The following ELF2 variants were observed in gnomAD, a reference collection of about 807,000 sequenced individuals.
ELF2 encodes E74 like ETS transcription factor 2.
In ELF2, 11 loss-of-function variants were observed where a neutral mutation model predicts 54.8. The ratio of observed to expected loss-of-function variants is 0.20; its 90% CI spans 0.13 to 0.33. ELF2 has a LOEUF of 0.33. Among genes scored for constraint, ELF2 ranks in the 10% least tolerant of loss-of-function variants. The pLI, the probability that ELF2 is intolerant of heterozygous loss-of-function variation, is 1.00. For missense variants in ELF2, 513 were observed against 703.0 expected, an observed-to-expected ratio of 0.73 and a Z score of 3.06; for synonymous variants, 203 against 245.1, an observed-to-expected ratio of 0.83 and a Z score of 1.61.
chr4:139,152,891 CTTTT>C (rs34208004), intron 1 of ELF2, among the ~76,000 whole-genome samples: 4 of 104,060 alleles, frequency 3.8e-5, no homozygotes, highest in African/African-American at 4.0e-5. Context: ...TAGTGTCATA[CTTTT>C]TTTTTTTTTT....
In ELF2 at chr4:139,073,521, T is replaced by G. The variant is rs1319065955; in HGVS notation, c.285A>C (p.Thr95=). The G allele has an allele frequency of 6.2e-7, 1 of 1,610,020 alleles. No individual in the cohort carries two copies. The highest frequency in any genetic ancestry group is 8.5e-7 in the Non-Finnish European group (1 of 1,177,324). Residue 95 remains threonine, a synonymous_variant, in exon 5 of 10, where the codon ACA becomes ACC. Transcript: ENST00000686138. The stretch of plus-strand genomic sequence containing the variant: ...GAAGCAGGGCTTCAGCAGCTTCAAT[T>G]GTCTTATCTGTACAGTGTGCATTAC... ...HSSNAHCTDK[T]IEAAEALLHM...
At chr4:139,100,983 C>A (rs1016430168) in intron 4 of ELF2, among the ~76,000 whole-genome samples, 1 of 152,082 alleles carries the variant, frequency 6.6e-6, no homozygotes, top group Admixed American at 6.5e-5. Flanking sequence ...TAGGAAGACT[C>A]GAGATATACT....
At chr4:139,114,561 T>TCTCA (rs70940492) in intron 4 of ELF2, among the ~76,000 whole-genome samples, 19 of 108,648 alleles carry the variant, frequency 1.7e-4, no homozygotes, top group African/African-American at 6.7e-4. Context: ...GACTTCAGTC[T>TCTCA]CACACACACA....
intron 4 of ELF2, among the ~76,000 whole-genome samples, chr4:139,097,836 G>A (rs911248926): frequency 3.3e-5 from 5 of 152,090 alleles, no homozygotes; most frequent in African/African-American, 1.2e-4. Flanking sequence ...CTGTCACCCA[G>A]GCTGGAGTAC....
chr4:139,157,161 T>C (rs1740632704), intron 1 of ELF2, among the ~76,000 whole-genome samples: 1 of 152,180 alleles, frequency 6.6e-6, no homozygotes, highest in African/African-American at 2.4e-5. Flanking sequence ...TCTCCAAACC[T>C]GTACAGCATG....
intron 1 of ELF2, among the ~76,000 whole-genome samples, chr4:139,168,445 G>GCTGGC (rs1741934034): frequency 6.6e-6 from 1 of 152,144 alleles, no homozygotes. Flanking sequence ...ATTATACTGG[G>GCTGGC]CTGGCCCTAA....
At chr4:139,140,465 A>G (rs956973816) in intron 1 of ELF2, among the ~76,000 whole-genome samples, 3 of 152,208 alleles carry the variant, frequency 2.0e-5, no homozygotes, top group African/African-American at 7.2e-5. Context: ...TTAAAAGTAG[A>G]AAAGTTGGCT....
rs1157770559 is a variant in ELF2 at position 139,058,286 on chromosome 4, T to C, written c.*697A>G. The C allele has an allele frequency of 6.6e-6, 1 of 151,712 alleles. No homozygotes were observed. Among genetic ancestry groups the C allele is most frequent in the Non-Finnish European group, 1.5e-5 (1 of 67,954 alleles). 9.4% of individuals were successfully genotyped at this position (151,712 alleles called of 1,614,324 possible). A position where few individuals can be genotyped will look rare whatever the true frequency, so the allele number is the denominator to read the frequency against. On this transcript the variant is annotated 3_prime_UTR_variant, in exon 10 of 10. Coordinates refer to ENST00000686138, the MANE Select transcript of ELF2 (RefSeq NM_001331036.3). ...CTAGGTACAAGATTTTTAAAATTTT[T>C]CTTTTAATAAAAAAGCTTTACACAA...
At chr4:139,115,049 G>T in intron 4 of ELF2, 1 of 1,613,892 alleles carries the variant, frequency 6.2e-7, no homozygotes. Context: ...GTGGCAGCCC[G>T]GGCATCGTCA....
chr4:139,080,558 T>C (rs903108656), intron 4 of ELF2, among the ~76,000 whole-genome samples: 5 of 152,108 alleles, frequency 3.3e-5, no homozygotes, highest in African/African-American at 1.2e-4. Flanking sequence ...ATAACTGCAT[T>C]GTTGACCAAA....
At chr4:139,129,224 G>A (rs62320536) in intron 3 of ELF2, among the ~76,000 whole-genome samples, 10,873 of 152,074 alleles carry the variant, frequency 0.071, 479 homozygotes, top group South Asian at 0.14. Context: ...AGGCATGAGC[G>A]ACTACCCCCG....
chr4:139,093,626 T>G (rs566809760), intron 4 of ELF2, among the ~76,000 whole-genome samples: 15 of 152,152 alleles, frequency 9.9e-5, no homozygotes, highest in Admixed American at 6.5e-4. Flanking sequence ...CATCTGAAAA[T>G]CCATCAACTG....
intron 3 of ELF2, among the ~76,000 whole-genome samples, chr4:139,133,763 C>T (rs1737808324): frequency 6.6e-6 from 1 of 152,048 alleles, no homozygotes; most frequent in Admixed American, 6.5e-5. Context: ...GCCAGTGCAC[C>T]CACCTGCTTT....
chr4:139,084,461 G>GCGT, intron 4 of ELF2: 1 of 1,132,904 alleles, frequency 8.8e-7, no homozygotes, highest in South Asian at 3.7e-5. Flanking sequence ...GGCGGCGGCG[G>GCGT]CTGTGGCTGT....
At chr4:139,075,707 G>A (rs1730217383) in intron 4 of ELF2, among the ~76,000 whole-genome samples, 1 of 152,148 alleles carries the variant, frequency 6.6e-6, no homozygotes, top group African/African-American at 2.4e-5. Flanking sequence ...GGGATTACAG[G>A]CATGAGCCAT....
intron 1 of ELF2, 59 bp downstream of exon 1, chr4:139,176,908 G>C (rs1743010897): frequency 6.6e-6 from 1 of 151,786 alleles, no homozygotes; most frequent in Non-Finnish European, 1.5e-5. Flanking sequence ...GGACAGCCAG[G>C]CTTTATCGCC....
intron 4 of ELF2, chr4:139,115,244 C>T (rs1235245904): frequency 2.1e-5 from 34 of 1,609,694 alleles, no homozygotes; most frequent in Middle Eastern, 2.2e-4. Flanking sequence ...TCATCGTCCG[C>T]GCCGCCCGGG....
intron 1 of ELF2, among the ~76,000 whole-genome samples, chr4:139,163,181 TAA>T (rs1741341912): frequency 1.3e-5 from 2 of 152,266 alleles, no homozygotes; most frequent in Non-Finnish European, 2.9e-5. Context: ...TCAAGATTAC[TAA>T]GTTAGAAATT....
chr4:139,127,520 T>C (rs932626779), intron 3 of ELF2, among the ~76,000 whole-genome samples: 3 of 152,078 alleles, frequency 2.0e-5, no homozygotes, highest in African/African-American at 7.3e-5. Context: ...AAATAAAATA[T>C]TGTTTAGGAC....
Sources: gnomAD v4.1 joint callset for allele counts (sites outside exome capture counted in the v4.1 genomes callset) on GRCh38, gnomAD v4.1.1 for gene constraint, MANE v1.5 for transcripts, NCBI Gene and HGNC (gene_info 2026-07-23, HGNC 2026-07-21) for gene names.